PCDHGA8: variants seen among roughly 807,000 people sequenced by gnomAD.
PCDHGA8 encodes protocadherin gamma-A8.
Under a neutral mutation model 59.2 loss-of-function variants are expected in PCDHGA8, and 45 were observed. The ratio of observed to expected loss-of-function variants is 0.76; its 90% confidence interval spans 0.60 to 0.98. The LOEUF (loss-of-function observed/expected upper bound fraction) is 0.98, where lower values mean the gene tolerates loss of function less well. Among genes scored for constraint, PCDHGA8 ranks in the 50% least tolerant of loss-of-function variants. PCDHGA8 has a pLI of 0.00. For synonymous variants in PCDHGA8, 531 were observed against 519.0 expected (o/e 1.02, Z -0.32); for missense variants, 1,257 against 1,196.2 (o/e 1.05, Z -0.75).
rs1419985074 is a variant in PCDHGA8, at chr5:141,431,009, T to C, written c.2424+35772T>C. On this transcript the variant is annotated intron_variant, in intron 1 of 3. Transcript: ENST00000398604. The surrounding 1 kb of genome is among the most constrained non-coding windows in gnomAD (Gnocchi z 4.8). ...CGCCCTGAATCCGCGCAGCGGCAGC[T>C]TGGTCACGGCGGGCAGGATAGACCG... The C allele has an allele frequency of 3.7e-6, 6 of 1,613,884 alleles. No individual in the cohort carries two copies. Among genetic ancestry groups the C allele is most frequent in the Non-Finnish European group, 5.1e-6 (6 of 1,179,984 alleles).
Position 141,409,638 on chromosome 5 carries a change from C to T in PCDHGA8, c.2424+14401C>T, listed in dbSNP as rs1040366842. The T allele has an allele frequency of 3.1e-6, 5 of 1,613,648 alleles. No homozygotes were observed. The highest frequency in any genetic ancestry group is 1.7e-5 in the Admixed American group (1 of 60,006). ...ATTGCGCAAGTGAGCGCCTCTGACC[C>T]GGATTTGGGGCTCAATGGCCACATC... On this transcript the variant is annotated intron_variant, in intron 1 of 3. Coordinates refer to ENST00000398604, the MANE Select transcript of PCDHGA8 (RefSeq NM_032088.2).
In PCDHGA8 at chr5:141,422,509, C is replaced by G. The variant is rs1249006816; in HGVS notation, c.2424+27272C>G. On this transcript the variant is annotated intron_variant, in intron 1 of 3. Coordinates refer to ENST00000398604, the MANE Select transcript of PCDHGA8 (RefSeq NM_032088.2). ...CAATATAACGTTGACAGCCACAGAC[C>G]AGGGAAGCCCGCCTTTGTCTGCAGA... The G allele has an allele frequency of 1.9e-6, 3 of 1,613,836 alleles. No homozygotes were observed. In the South Asian group the frequency reaches 3.3e-5, roughly 18 times the overall value.
At chr5:141,403,699 TAA>T in intron 1 of PCDHGA8, 1 of 1,613,934 alleles carries the variant, frequency 6.2e-7, no homozygotes, top group East Asian at 2.2e-5. Context: ...TTTACCGAGT[TAA>T]AGTCCTTGAG....
Position 141,393,289 on chromosome 5 carries a change from AC to A in PCDHGA8, c.479del (p.Pro160ArgfsTer5). ...CGTTATCCACTCCCAGAAGCTGTTG[AC>A]CCGGATGTGGGCGTGAACTCCCTCC... Reference protein sequence around the residue: ...GARYPLPEAVDPDVGVNSLQS... With the variant: ...GARYPLPEAVXPDVGVNSLQS... On this transcript the variant is annotated frameshift_variant, in exon 1 of 4. Transcript: ENST00000398604. LOFTEE classifies it high-confidence loss of function. 1.2e-6 allele frequency: 2 copies of A among 1,613,936 alleles called. No homozygotes were observed. Among genetic ancestry groups the A allele is most frequent in the Non-Finnish European group, 1.7e-6 (2 of 1,179,896 alleles).
intron 1 of PCDHGA8, chr5:141,417,544 C>A: frequency 3.2e-6 from 1 of 308,860 alleles, no homozygotes; most frequent in Non-Finnish European, 5.9e-6. Context: ...AAAAAAATTC[C>A]TTGAAAGAGG....
chr5:141,419,175 C>A lies in PCDHGA8; in HGVS notation c.2424+23938C>A, dbSNP rs185228661. On this transcript the variant is annotated intron_variant, in intron 1 of 3. Transcript: ENST00000398604. Reference sequence around the variant, plus strand: ...CCGTTATCCTCCAGCAAAACCATAACCCTGCACATTACTGACGTCAATGAC... The same window carrying A: ...CCGTTATCCTCCAGCAAAACCATAAACCTGCACATTACTGACGTCAATGAC... The A allele has an allele frequency of 5.2e-4, 837 of 1,613,966 alleles. 3 individuals carry two copies. Among genetic ancestry groups the A allele is most frequent in the Non-Finnish European group, 9.3e-5 (110 of 1,179,894 alleles).
chr5:141,501,715 C>G lies in PCDHGA8; in HGVS notation c.2484-3678C>G, dbSNP rs139761188. On this transcript the variant is annotated intron_variant, in intron 2 of 3. Coordinates refer to ENST00000398604, the MANE Select transcript of PCDHGA8 (RefSeq NM_032088.2). ...AGGGTGATTCCGAGGATAAAAAAGA[C>G]AAATATATTACCCAGTCAGCTTAGA... 1.3e-3 allele frequency among the ~76,000 whole-genome samples: 192 copies of G among 152,192 alleles called. 1 individual carries two copies. The highest frequency in any genetic ancestry group is 4.5e-3 in the African/African-American group (185 of 41,512).
rs771398829 is a variant in PCDHGA8, at chr5:141,421,251, G to A, written c.2424+26014G>A. ...CCATGGCGAATCGGCTACAGCGCGG[G>A]GACCGCAGTCGGCTGCTGCTGCTGC... On this transcript the variant is annotated intron_variant, in intron 1 of 3. Transcript: ENST00000398604. 17 of 1,606,770 alleles carry A rather than the reference G, an allele frequency of 1.1e-5. No homozygotes were observed. The East Asian group carries it at 3.1e-4, about 30-fold the overall frequency.
At position 141,473,122 on chromosome 5, in the gene PCDHGA8, T is replaced by C. The variant is rs533113606; in HGVS notation, c.2425-21685T>C. On this transcript the variant is annotated intron_variant, in intron 1 of 3. Coordinates refer to ENST00000398604, the MANE Select transcript of PCDHGA8 (RefSeq NM_032088.2). ...TATTACCACACTTTACTTGGCTCTT[T>C]GGCAAACTATATTATCTCTTCAGAT... Among the ~76,000 whole-genome samples, 3 of 152,362 alleles carry C rather than the reference T, an allele frequency of 2.0e-5. No homozygotes were observed. In the East Asian group the frequency reaches 5.8e-4, roughly 29 times the overall value.
rs1435240793 is a variant in PCDHGA8 at position 141,402,906 on chromosome 5, CA to C, written c.2424+7670del. ...GGGTGGAAGAAAGAACCTGATGAAG[CA>C]GCGCGCACAGAGATCCTTTTGAGAA... On this transcript the variant is annotated intron_variant, in intron 1 of 3. Coordinates refer to ENST00000398604, the MANE Select transcript of PCDHGA8 (RefSeq NM_032088.2). The C allele has an allele frequency of 3.9e-6, 6 of 1,529,062 alleles. No homozygotes were observed. The African/African-American group carries it at 8.3e-5, about 21-fold the overall frequency. 94.7% of individuals were successfully genotyped at this position (1,529,062 alleles called of 1,614,324 possible). A position where few individuals can be genotyped will look rare whatever the true frequency, so the allele number is the denominator to read the frequency against.
At chr5:141,400,420 T>C (rs1323719998) in intron 1 of PCDHGA8, 1 of 1,613,936 alleles carries the variant, frequency 6.2e-7, no homozygotes, top group Non-Finnish European at 8.5e-7. Context: ...TTTCCTAAAA[T>C]GTAGTGAGCA....
Position 141,489,956 on chromosome 5 carries a change from C to CTCCAACCT in PCDHGA8, c.2425-4845_2425-4838dup, listed in dbSNP as rs1176419823. Reference sequence around the variant, plus strand: ...ATCGTGCTGGACATCAATGATAATGCTCCAACCTTCCAATCCTCAGTTCTA... The same window carrying CTCCAACCT: ...ATCGTGCTGGACATCAATGATAATGCTCCAACCTTCCAACCTTCCAATCCTCAGTTCTA... On this transcript the variant is annotated intron_variant, in intron 1 of 3. Coordinates refer to ENST00000398604, the MANE Select transcript of PCDHGA8 (RefSeq NM_032088.2). The surrounding 1 kb of genome is among the most constrained non-coding windows in gnomAD (Gnocchi z 4.5). 16 of 1,614,012 alleles carry CTCCAACCT rather than the reference C, an allele frequency of 9.9e-6. No individual in the cohort carries two copies. The highest frequency in any genetic ancestry group is 1.4e-5 in the Non-Finnish European group (16 of 1,179,974).
rs779686795 is a variant in PCDHGA8, at chr5:141,476,566, G to A, written c.2425-18241G>A. On this transcript the variant is annotated intron_variant, in intron 1 of 3. Coordinates refer to ENST00000398604, the MANE Select transcript of PCDHGA8 (RefSeq NM_032088.2). The surrounding 1 kb of genome is among the most constrained non-coding windows in gnomAD (Gnocchi z 7.6). ...TGGAGATTAGCGAGGCCGTGGCTCC[G>A]GGGACGCGCTTTCCGCTCGAGAGCG... The A allele has an allele frequency of 1.2e-6, 2 of 1,614,062 alleles. No homozygotes were observed. Among genetic ancestry groups the A allele is most frequent in the East Asian group, 2.2e-5 (1 of 44,872 alleles).
rs1031996605 is a variant in PCDHGA8, at chr5:141,487,055, G to C, written c.2425-7752G>C. ...TGCAGTCTCTCGATATGCTGGGGAG[G>C]TGCGGACGGCTGTTCCTATCCCAGC... is the stretch of plus-strand genomic sequence containing the variant. On this transcript the variant is annotated intron_variant, in intron 1 of 3. Transcript: ENST00000398604. The surrounding 1 kb of genome is among the most constrained non-coding windows in gnomAD (Gnocchi z 5.0). The C allele has an allele frequency of 6.2e-7, 1 of 1,614,186 alleles. No individual in the cohort carries two copies. The highest frequency in any genetic ancestry group is 8.5e-7 in the Non-Finnish European group (1 of 1,180,038).
intron 1 of PCDHGA8, chr5:141,484,903 G>A: frequency 2.5e-6 from 1 of 407,434 alleles, no homozygotes; most frequent in Non-Finnish European, 4.4e-6. Context: ...CTCCAATGCT[G>A]CGACGCATTA....
At chr5:141,457,573 C>T (rs934685938) in intron 1 of PCDHGA8, among the ~76,000 whole-genome samples, 3 of 152,206 alleles carry the variant, frequency 2.0e-5, no homozygotes, top group Non-Finnish European at 4.4e-5. Flanking sequence ...CAAAATTTTT[C>T]TCTCCAGTCC....
chr5:141,409,736 G>C (rs1053484390), intron 1 of PCDHGA8: 9 of 1,612,992 alleles, frequency 5.6e-6, no homozygotes, highest in South Asian at 2.2e-5. Context: ...CGCGCAGAGC[G>C]GGGTGGTGTT....
chr5:141,445,093 A>G (rs987863232), intron 1 of PCDHGA8, among the ~76,000 whole-genome samples: 2 of 152,168 alleles, frequency 1.3e-5, no homozygotes, highest in Non-Finnish European at 2.9e-5. Flanking sequence ...TACATATTTG[A>G]TGTTTTCTAA....
chr5:141,404,361 C>A, intron 1 of PCDHGA8: 3 of 1,613,956 alleles, frequency 1.9e-6, no homozygotes, highest in Non-Finnish European at 2.5e-6. Context: ...AGAGGTACTT[C>A]CATCTTCTCC....
Sources: allele counts gnomAD v4.1 joint callset (sites outside exome capture counted in the v4.1 genomes callset), GRCh38; gene constraint gnomAD v4.1.1; non-coding constraint Gnocchi (gnomAD v3.1); transcripts MANE v1.5; gene names NCBI Gene and HGNC (gene_info 2026-07-23, HGNC 2026-07-21).